VAV2: variants seen among roughly 807,000 people sequenced by gnomAD.
VAV2 encodes the protein guanine nucleotide exchange factor VAV2.
VAV2 carries 67 observed loss-of-function variants against 132.5 expected under a neutral mutation model. That is an observed-to-expected ratio of 0.51 (90% CI 0.42 to 0.62). VAV2 has a LOEUF of 0.62. VAV2 is among the 20% of genes least tolerant of loss of function. VAV2 has a pLI of 0.00. For synonymous variants in VAV2, 492 were observed against 443.5 expected, an observed-to-expected ratio of 1.11 and a Z score of -1.37; for missense variants, 938 against 1,153.6, an observed-to-expected ratio of 0.81 and a Z score of 2.71.
chr9:133,896,865 C>T (rs371795912), intron 2 of VAV2, among the ~76,000 whole-genome samples: 39 of 152,180 alleles, frequency 2.6e-4, no homozygotes, highest in African/African-American at 8.0e-4. Context: ...GAGGCCGAGG[C>T]GGGCGGATCA....
At chr9:133,773,450 G>A (rs908284802) in intron 25 of VAV2, among the ~76,000 whole-genome samples, 1 of 152,212 alleles carries the variant, frequency 6.6e-6, no homozygotes, top group Non-Finnish European at 1.5e-5. Flanking sequence ...CTTTATCAAC[G>A]CTGGACACTG....
chr9:133,773,085 G>C (rs1449027368), intron 25 of VAV2, among the ~76,000 whole-genome samples: 92 of 30,136 alleles, frequency 3.1e-3, no homozygotes, highest in East Asian at 4.1e-3. Flanking sequence ...ACACCCCACA[G>C]CTAGGCTGGA....
At chr9:133,783,635 C>T in intron 18 of VAV2, 44 bp from the exon 19 acceptor site, 3 of 1,581,848 alleles carry the variant, frequency 1.9e-6, no homozygotes, top group Middle Eastern at 1.7e-4. Context: ...CTGGGGTCGG[C>T]TCCTCATGCC....
rs969916129 is a variant in VAV2, at chr9:133,840,533, A to G, written c.381-6193T>C. ...ATCACAGTCCCAGTGCTACAGCCAAATAAGTCACCAGCCAGAGGACACAGA... is the reference window on the plus strand; with the variant it reads ...ATCACAGTCCCAGTGCTACAGCCAAGTAAGTCACCAGCCAGAGGACACAGA... On this transcript the variant is annotated intron_variant, in intron 3 of 29. Coordinates refer to ENST00000371850, the MANE Select transcript of VAV2 (RefSeq NM_001134398.2). The surrounding 1 kb of genome is among the most constrained non-coding windows in gnomAD (Gnocchi z 4.5). Among the ~76,000 whole-genome samples, 3 of 152,138 alleles carry G rather than the reference A, an allele frequency of 2.0e-5. No homozygotes were observed. The highest frequency in any genetic ancestry group is 2.9e-5 in the Non-Finnish European group (2 of 68,024).
At chr9:133,976,484 C>T (rs117179145) in intron 1 of VAV2, among the ~76,000 whole-genome samples, 1 of 152,306 alleles carries the variant, frequency 6.6e-6, no homozygotes, top group Non-Finnish European at 1.5e-5. Context: ...GGCTCTGCCT[C>T]GGGGTTGCAG....
At chr9:133,963,916 G>A (rs1054121520) in intron 1 of VAV2, among the ~76,000 whole-genome samples, 9 of 151,286 alleles carry the variant, frequency 5.9e-5, no homozygotes, top group Non-Finnish European at 7.4e-5. Flanking sequence ...GGAAAGTATA[G>A]CACAGCCCAG....
At chr9:133,836,611 G>A (rs926384474) in intron 3 of VAV2, among the ~76,000 whole-genome samples, 1 of 152,220 alleles carries the variant, frequency 6.6e-6, no homozygotes, top group Admixed American at 6.5e-5. Flanking sequence ...CACGTAGAAT[G>A]TAGAGAGGGA....
intron 18 of VAV2, 71 bp downstream of exon 18, chr9:133,784,246 C>A (rs1402893235): frequency 2.0e-6 from 3 of 1,507,374 alleles, no homozygotes; most frequent in Non-Finnish European, 2.8e-6. Context: ...ACAGATAGAA[C>A]ACTAAGCTCT....
Position 133,788,243 on chromosome 9 carries a change from C to CCCA in VAV2, c.1407+110_1407+111insTGG. ...AGACGCCCACCCCAACCCACCCGGC[C>CCCA]AGCATCAGCGGCTGACTTCGAGTCC... On this transcript the variant is annotated intron_variant, in intron 15 of 29. Coordinates refer to ENST00000371850, the MANE Select transcript of VAV2 (RefSeq NM_001134398.2). This position sits in a 1 kb window ranked among gnomAD's most constrained non-coding sequence, Gnocchi z 5.3. 1 of 1,310,486 alleles carries CCCA rather than the reference C, an allele frequency of 7.6e-7. No individual in the cohort carries two copies. Among genetic ancestry groups the CCCA allele is most frequent in the Non-Finnish European group, 1.1e-6 (1 of 948,764 alleles). The allele number at this position is 1,310,486 out of a possible 1,614,324, so 81.2% of individuals were successfully genotyped here. A position where few individuals can be genotyped will look rare whatever the true frequency, so the allele number is the denominator to read the frequency against.
chr9:133,966,577 G>A (rs1165332029), intron 1 of VAV2, among the ~76,000 whole-genome samples: 1 of 152,150 alleles, frequency 6.6e-6, no homozygotes, highest in Non-Finnish European at 1.5e-5. Flanking sequence ...GTGGTGGCAC[G>A]CACCTATTGT....
At position 133,965,060 on chromosome 9, in the gene VAV2, A is replaced by G. The variant is rs140304131; in HGVS notation, c.205-25841T>C. On this transcript the variant is annotated intron_variant, in intron 1 of 29. Coordinates refer to ENST00000371850, the MANE Select transcript of VAV2 (RefSeq NM_001134398.2). ...CCTGTTTGCAGACATGATCTTAGAT[A>G]TAGAAAACCCTAAAAGCTCCACCAA... Among the ~76,000 whole-genome samples, 825 of 152,288 alleles carry G rather than the reference A, an allele frequency of 5.4e-3. 4 individuals carry two copies. Among genetic ancestry groups the G allele is most frequent in the Middle Eastern group, 0.031 (9 of 294 alleles).
chr9:133,788,235 CA>C lies in VAV2; in HGVS notation c.1407+118del. 22 of 998,856 alleles carry C rather than the reference CA, an allele frequency of 2.2e-5. No homozygotes were observed. The highest frequency in any genetic ancestry group is 2.9e-5 in the East Asian group (1 of 34,184). 61.9% of individuals were successfully genotyped at this position (998,856 alleles called of 1,614,324 possible). On this transcript the variant is annotated intron_variant, in intron 15 of 29. Transcript: ENST00000371850. This position sits in a 1 kb window ranked among gnomAD's most constrained non-coding sequence, Gnocchi z 5.3. ...CAGAGCGGAGACGCCCACCCCAACC[CA>C]CCCGGCCAGCATCAGCGGCTGACTT... is the stretch of plus-strand genomic sequence containing the variant.
intron 24 of VAV2, among the ~76,000 whole-genome samples, chr9:133,775,531 C>G (rs527483950): frequency 1.3e-5 from 2 of 152,154 alleles, no homozygotes; most frequent in Non-Finnish European, 2.9e-5. Flanking sequence ...GATTTTGAAA[C>G]GAAGCTCTTC....
intron 2 of VAV2, among the ~76,000 whole-genome samples, chr9:133,875,898 C>T (rs1838244291): frequency 6.6e-6 from 1 of 152,246 alleles, no homozygotes; most frequent in Non-Finnish European, 1.5e-5. Flanking sequence ...ATAGCAGACG[C>T]CTCCCGTGCC....
intron 2 of VAV2, among the ~76,000 whole-genome samples, chr9:133,925,368 C>A (rs7875729): frequency 0.13 from 19,295 of 152,104 alleles, 2,099 homozygotes; most frequent in African/African-American, 0.29. Flanking sequence ...AGGTGGGTGC[C>A]ACTACATCCT....
intron 20 of VAV2, 90 bp downstream of exon 20, chr9:133,780,603 GA>G: frequency 7.8e-7 from 1 of 1,277,686 alleles, no homozygotes; most frequent in South Asian, 2.9e-5. Flanking sequence ...CATGAGTGGT[GA>G]AAGGCAGACA....
intron 4 of VAV2, among the ~76,000 whole-genome samples, chr9:133,831,615 G>A (rs1836267874): frequency 6.6e-6 from 1 of 152,194 alleles, no homozygotes; most frequent in Admixed American, 6.5e-5. Context: ...CTCCTACGGA[G>A]TGGGCATTTC....
intron 3 of VAV2, among the ~76,000 whole-genome samples, chr9:133,850,041 G>A (rs977191006): frequency 3.9e-5 from 6 of 152,184 alleles, no homozygotes; most frequent in South Asian, 2.1e-4. Context: ...CAGGGGACCC[G>A]GATGCATGGT....
chr9:133,851,368 A>G (rs1215815016), intron 3 of VAV2, among the ~76,000 whole-genome samples: 1 of 152,214 alleles, frequency 6.6e-6, no homozygotes, highest in Non-Finnish European at 1.5e-5. Context: ...TATACTGAGA[A>G]CTTTACAGAC....
Sources: allele counts gnomAD v4.1 joint callset (sites outside exome capture counted in the v4.1 genomes callset), GRCh38; gene constraint gnomAD v4.1.1; non-coding constraint Gnocchi (gnomAD v3.1); transcripts MANE v1.5; gene names NCBI Gene and HGNC (gene_info 2026-07-23, HGNC 2026-07-21).